CCBE1: variants seen among roughly 807,000 people sequenced by gnomAD.
CCBE1 encodes the protein collagen and calcium binding EGF domains 1.
Under a neutral mutation model 50.0 loss-of-function variants are expected in CCBE1, and 37 were observed. That is an observed-to-expected ratio of 0.74 (90% confidence interval 0.57 to 0.97). CCBE1 has a LOEUF of 0.97. CCBE1 is among the 50% of genes least tolerant of loss of function. The probability of loss-of-function intolerance (pLI) is 0.00; values close to 1 mark genes in which losing one functional copy is unlikely to be tolerated. For synonymous variants in CCBE1, 234 were observed against 203.7 expected (o/e 1.15, Z -1.27); for missense variants, 538 against 523.8 (o/e 1.03, Z -0.26).
At chr18:59,508,711 CTTTTTTT>C (rs55881131) in intron 2 of CCBE1, among the ~76,000 whole-genome samples, 2 of 95,682 alleles carry the variant, frequency 2.1e-5, no homozygotes, top group Non-Finnish European at 3.9e-5. Flanking sequence ...TAGAGTTACG[CTTTTTTT>C]TTTTTTTTTT....
At chr18:59,526,265 G>A (rs1013719837) in intron 2 of CCBE1, among the ~76,000 whole-genome samples, 4 of 149,262 alleles carry the variant, frequency 2.7e-5, no homozygotes, top group African/African-American at 7.4e-5. Flanking sequence ...TTTGCTTTTG[G>A]TTTCCTAGTT....
In CCBE1 at chr18:59,469,608, C is replaced by T. The variant is rs1911930594; in HGVS notation, c.266-1G>A. ...GGAGCCTCGGCACAAACGTCGTAAT[C>T]TGAAAAAGCAAAGTGAGAGCTCACA... is the stretch of plus-strand genomic sequence containing the variant. On this transcript the variant is annotated splice_acceptor_variant, in intron 3 of 10. Coordinates refer to ENST00000439986, the MANE Select transcript of CCBE1 (RefSeq NM_133459.4). LOFTEE classifies it high-confidence loss of function. The T allele has an allele frequency of 3.7e-6, 6 of 1,613,956 alleles. No individual in the cohort carries two copies. The highest frequency in any genetic ancestry group is 5.1e-6 in the Non-Finnish European group (6 of 1,180,034).
intron 10 of CCBE1, among the ~76,000 whole-genome samples, chr18:59,436,477 A>G (rs185892251): frequency 1.3e-5 from 2 of 152,344 alleles, no homozygotes; most frequent in Admixed American, 1.3e-4. Context: ...AGTGGTTAAG[A>G]GACTGGGGTT....
intron 2 of CCBE1, among the ~76,000 whole-genome samples, chr18:59,626,757 A>C (rs2053790802): frequency 6.6e-6 from 1 of 152,260 alleles, no homozygotes; most frequent in South Asian, 2.1e-4. Flanking sequence ...TGCCACCTCT[A>C]TGGGAATTTA....
chr18:59,616,141 C>T (rs1176172652), intron 2 of CCBE1, among the ~76,000 whole-genome samples: 2 of 152,106 alleles, frequency 1.3e-5, no homozygotes, highest in Admixed American at 6.5e-5. Flanking sequence ...TCTCAAGAAC[C>T]CTCCAGAGCT....
intron 2 of CCBE1, among the ~76,000 whole-genome samples, chr18:59,500,749 G>A (rs1313338403): frequency 6.6e-6 from 1 of 152,236 alleles, no homozygotes; most frequent in East Asian, 1.9e-4. Flanking sequence ...GCCTTCAGCA[G>A]AGAGAGGCAG....
chr18:59,439,624 A>G, intron 8 of CCBE1, 46 bp from the exon 9 acceptor site: 2 of 1,614,256 alleles, frequency 1.2e-6, no homozygotes, highest in Non-Finnish European at 1.7e-6. Flanking sequence ...AAAGCATGGG[A>G]CAAAAACACA....
intron 5 of CCBE1, among the ~76,000 whole-genome samples, chr18:59,456,812 G>A (rs2143682228): frequency 6.6e-6 from 1 of 152,288 alleles, no homozygotes; most frequent in South Asian, 2.1e-4. Flanking sequence ...CTGCCCTTTG[G>A]GAGGTGAGCA....
intron 2 of CCBE1, among the ~76,000 whole-genome samples, chr18:59,669,551 T>C (rs4488565): frequency 0.44 from 66,581 of 152,168 alleles, 16,100 homozygotes; most frequent in African/African-American, 0.65. Flanking sequence ...CATTGCTCCT[T>C]AGGGCCCATG....
At chr18:59,612,775 A>T (rs1049141942) in intron 2 of CCBE1, among the ~76,000 whole-genome samples, 6 of 144,874 alleles carry the variant, frequency 4.1e-5, no homozygotes, top group Admixed American at 7.1e-5. Flanking sequence ...ACTTCCTTTC[A>T]CTCAAAGTAG....
In CCBE1 at chr18:59,435,707, C is replaced by T. The variant is rs1910117690; in HGVS notation, c.*201G>A. The stretch of plus-strand genomic sequence containing the variant: ...GTGAGAAGCAGGTAAATCAATCATT[C>T]ACTCCCTCATGTCTGCAGGCCTAGG... On this transcript the variant is annotated 3_prime_UTR_variant, in exon 11 of 11. Transcript: ENST00000439986. 4 of 628,860 alleles carry T rather than the reference C, an allele frequency of 6.4e-6. No homozygotes were observed. The highest frequency in any genetic ancestry group is 5.5e-5 in the Admixed American group (2 of 36,576). The allele number at this position is 628,860 out of a possible 1,614,324, so 39.0% of individuals were successfully genotyped here.
chr18:59,473,981 G>A (rs1200653896), intron 3 of CCBE1, among the ~76,000 whole-genome samples: 1 of 152,164 alleles, frequency 6.6e-6, no homozygotes, highest in East Asian at 1.9e-4. Context: ...GTGAGAACAT[G>A]TGGTACTTGT....
In CCBE1 at chr18:59,583,195, C is replaced by A. The variant is rs1036809460; in HGVS notation, c.213-102957G>T. Among the ~76,000 whole-genome samples the A allele has an allele frequency of 8.5e-5, 13 of 152,226 alleles. No individual in the cohort carries two copies. In the East Asian group the frequency reaches 2.5e-3, roughly 29 times the overall value. On this transcript the variant is annotated intron_variant, in intron 2 of 10. Transcript: ENST00000439986. ...GAACTCAGCACAGGGATGGGTTCTC[C>A]CAGTTAAGCACTTTTACTAAATTGA...
intron 1 of CCBE1, 135 bp from the exon 2 acceptor site, chr18:59,696,844 A>G (rs2054813042): frequency 1.0e-6 from 1 of 979,542 alleles, no homozygotes; most frequent in African/African-American, 1.6e-5. Flanking sequence ...CTGGTCCCCA[A>G]ACGCGTACGC....
intron 2 of CCBE1, among the ~76,000 whole-genome samples, chr18:59,513,783 G>C (rs1223556370): frequency 6.6e-6 from 1 of 152,216 alleles, no homozygotes; most frequent in African/African-American, 2.4e-5. Context: ...TCATATTAGA[G>C]ACATGGAAAT....
intron 2 of CCBE1, among the ~76,000 whole-genome samples, chr18:59,494,256 T>A (rs1354495345): frequency 6.6e-6 from 1 of 152,200 alleles, no homozygotes; most frequent in East Asian, 1.9e-4. Flanking sequence ...CCCATCCTCA[T>A]TCACTACCAG....
chr18:59,490,533 A>C (rs1342064859), intron 2 of CCBE1, among the ~76,000 whole-genome samples: 2 of 152,186 alleles, frequency 1.3e-5, no homozygotes, highest in Non-Finnish European at 2.9e-5. Context: ...ATGGCTTCAG[A>C]AACTTCTGGT....
At chr18:59,482,635 A>T (rs1912626107) in intron 2 of CCBE1, among the ~76,000 whole-genome samples, 1 of 152,174 alleles carries the variant, frequency 6.6e-6, no homozygotes, top group African/African-American at 2.4e-5. Context: ...AAAAAATGGC[A>T]GTTGGTTAAA....
chr18:59,471,163 G>A (rs1598929566), intron 3 of CCBE1, among the ~76,000 whole-genome samples: 1 of 152,196 alleles, frequency 6.6e-6, no homozygotes, highest in East Asian at 1.9e-4. Flanking sequence ...AGGCAGAGAG[G>A]CTGTCGAAGT....
Sources: gnomAD v4.1 joint callset for allele counts (sites outside exome capture counted in the v4.1 genomes callset) on GRCh38, gnomAD v4.1.1 for gene constraint, MANE v1.5 for transcripts, NCBI Gene and HGNC (gene_info 2026-07-23, HGNC 2026-07-21) for gene names.